WNT10B: variants seen among roughly 807,000 people sequenced by gnomAD.
WNT10B encodes the protein protein Wnt-10b.
In WNT10B, 26 loss-of-function variants were observed where a neutral mutation model predicts 32.7. That is an observed-to-expected ratio of 0.79 (90% CI 0.58 to 1.10). The LOEUF is 1.10. Among genes scored for constraint, WNT10B ranks in the 50% least tolerant of loss-of-function variants. The pLI is 0.00. For missense variants in WNT10B, 474 were observed against 532.5 expected, an observed-to-expected ratio of 0.89 and a Z score of 1.08; for synonymous variants, 204 against 220.4, an observed-to-expected ratio of 0.93 and a Z score of 0.66.
At chr12:48,968,780 G>GT (rs1241721673) in intron 3 of WNT10B, among the ~76,000 whole-genome samples, 7 of 146,068 alleles carry the variant, frequency 4.8e-5, no homozygotes, top group South Asian at 4.6e-4. Flanking sequence ...TTGTGGTTCT[G>GT]TTTTTTTGTT....
At position 48,970,213 on chromosome 12, in the gene WNT10B, G is replaced by T; in HGVS notation, c.213C>A (p.Ser71=). ...LCLRNPDVTA[S]ALQGLHIAVH... ...CCGCGATGTGCAGACCCTGAAGCGC[G>T]GACGCCGTCACGTCGGGGTTGCGCA... is the stretch of plus-strand genomic sequence containing the variant. Residue 71 remains serine, a synonymous_variant, in exon 3 of 5, where the codon TCC becomes TCA. Coordinates refer to ENST00000301061, the MANE Select transcript of WNT10B (RefSeq NM_003394.4). This position sits in a 1 kb window ranked among gnomAD's most constrained non-coding sequence, Gnocchi z 5.0. The T allele has an allele frequency of 1.9e-6, 3 of 1,598,840 alleles. No homozygotes were observed. Among genetic ancestry groups the T allele is most frequent in the Non-Finnish European group, 2.6e-6 (3 of 1,173,062 alleles).
At position 48,970,693 on chromosome 12, in the gene WNT10B, C is replaced by G. The variant is rs1940839154; in HGVS notation, c.-40-124G>C. ...CCTACTGACCCTTCTCATTCCTCCT[C>G]AAACAAAACAAGAAGAAACACCCCT... is the stretch of plus-strand genomic sequence containing the variant. On this transcript the variant is annotated intron_variant, in intron 1 of 4. Transcript: ENST00000301061. The surrounding 1 kb of genome is among the most constrained non-coding windows in gnomAD (Gnocchi z 5.0). 1 of 690,766 alleles carries G rather than the reference C, an allele frequency of 1.4e-6. No individual in the cohort carries two copies. 42.8% of individuals were successfully genotyped at this position (690,766 alleles called of 1,614,324 possible).
At position 48,970,625 on chromosome 12, in the gene WNT10B, C is replaced by T; in HGVS notation, c.-40-56G>A. On this transcript the variant is annotated intron_variant, in intron 1 of 4. Transcript: ENST00000301061. This position sits in a 1 kb window ranked among gnomAD's most constrained non-coding sequence, Gnocchi z 5.0. ...GGAATAGGGCGGCTCGCTTGGGGAA[C>T]CAAGTGACGCCCTTCTTCGGGCTCC... 1 of 1,389,436 alleles carries T rather than the reference C, an allele frequency of 7.2e-7. No individual in the cohort carries two copies. The highest frequency in any genetic ancestry group is 1.0e-6 in the Non-Finnish European group (1 of 1,004,952). The allele number at this position is 1,389,436 out of a possible 1,614,324, so 86.1% of individuals were successfully genotyped here.
Position 48,965,976 on chromosome 12 carries a change from G to A in WNT10B, c.*119C>T. 1 of 1,262,490 alleles carries A rather than the reference G, an allele frequency of 7.9e-7. No homozygotes were observed. Among genetic ancestry groups the A allele is most frequent in the South Asian group, 1.3e-5 (1 of 76,274 alleles). The allele number at this position is 1,262,490 out of a possible 1,614,324, so 78.2% of individuals were successfully genotyped here. On this transcript the variant is annotated 3_prime_UTR_variant, in exon 5 of 5. Transcript: ENST00000301061. ...CCCACCACCCCTAAAGCTGTTTCCA[G>A]GTAGATACTTTAAGCTTCCAGGGAC...
rs1240843058 is a variant in WNT10B at position 48,965,447 on chromosome 12, A to G, written c.*648T>C. ...TGCTGAAGAAGGAAAAAGAGGCTCC[A>G]AGAGTCATGGGAAAACCCCTTCCTT... On this transcript the variant is annotated 3_prime_UTR_variant, in exon 5 of 5. Transcript: ENST00000301061. 1 of 152,726 alleles carries G rather than the reference A, an allele frequency of 6.5e-6. No individual in the cohort carries two copies. The highest frequency in any genetic ancestry group is 6.5e-5 in the Admixed American group (1 of 15,278). The allele number at this position is 152,726 out of a possible 1,614,324, so 9.5% of individuals were successfully genotyped here.
chr12:48,968,210 C>T lies in WNT10B; in HGVS notation c.447G>A (p.Lys149=), dbSNP rs2137612928. The T allele has an allele frequency of 6.2e-7, 1 of 1,613,294 alleles. No homozygotes were observed. Among genetic ancestry groups the T allele is most frequent in the South Asian group, 1.1e-5 (1 of 91,088 alleles). Residue 149 remains lysine, a synonymous_variant, in exon 4 of 5, where the codon AAG becomes AAA. Transcript: ENST00000301061. Reference sequence around the variant, plus strand: ...TCAGCCGATCCTGCTCACCACTGCCCTTCCAGCCACAGCCACAGCTCACCA... The same window carrying T: ...TCAGCCGATCCTGCTCACCACTGCCTTTCCAGCCACAGCCACAGCTCACCA... ...GKLVSCGCGW[K]GSGEQDRLRA...
chr12:48,971,249 C>G (rs1252895557), intron 1 of WNT10B, among the ~76,000 whole-genome samples: 1 of 152,230 alleles, frequency 6.6e-6, no homozygotes, highest in African/African-American at 2.4e-5. Context: ...GGTCCTCACC[C>G]CTTGGCTCTC....
At position 48,968,057 on chromosome 12, in the gene WNT10B, G is replaced by A. The variant is rs1940772874; in HGVS notation, c.600C>T (p.Asn200=). The change falls in exon 4 of 5, where the codon AAC becomes AAT. Residue 200 remains asparagine (N), a synonymous_variant. Transcript: ENST00000301061. The part of the protein sequence containing the change: ...PQDTWEWGGC[N]HDMDFGEKFS... ...ACTTCTCTCCAAAGTCCATGTCATGGTTACAGCCACCCCATTCCCATGTGT... is the reference window on the plus strand; with the variant it reads ...ACTTCTCTCCAAAGTCCATGTCATGATTACAGCCACCCCATTCCCATGTGT... The A allele has an allele frequency of 6.2e-7, 1 of 1,614,272 alleles. No homozygotes were observed. Among genetic ancestry groups the A allele is most frequent in the Non-Finnish European group, 8.5e-7 (1 of 1,180,052 alleles).
chr12:48,970,185 G>C lies in WNT10B; in HGVS notation c.241C>G (p.His81Asp), dbSNP rs533962302. ...SALQGLHIAVHECQHQLRDQR... is the reference protein window; with the variant it reads ...SALQGLHIAVDECQHQLRDQR... ...TCGCGCAGCTGGTGCTGACACTCGT[G>C]GACCGCGATGTGCAGACCCTGAAGC... is the stretch of plus-strand genomic sequence containing the variant. Residue 81 changes from histidine to aspartate, a missense_variant, in exon 3 of 5, where the codon CAC becomes GAC. Coordinates refer to ENST00000301061, the MANE Select transcript of WNT10B (RefSeq NM_003394.4). This position sits in a 1 kb window ranked among gnomAD's most constrained non-coding sequence, Gnocchi z 5.0. 1.3e-5 allele frequency: 20 copies of C among 1,571,994 alleles called. No homozygotes were observed. The South Asian group carries it at 2.1e-4, about 16-fold the overall frequency.
rs1329856099 is a variant in WNT10B, at chr12:48,970,156, C to T, written c.270G>A (p.Gln90=). Reference sequence around the variant, plus strand: ...CCTCAAGCGCGGAGCAGTTCCAGCGCTGGTCGCGCAGCTGGTGCTGACACT... The same window carrying T: ...CCTCAAGCGCGGAGCAGTTCCAGCGTTGGTCGCGCAGCTGGTGCTGACACT... ...VHECQHQLRD[Q]RWNCSALEGG... The change falls in exon 3 of 5, where the codon CAG becomes CAA. Residue 90 remains glutamine (Q), a synonymous_variant. Coordinates refer to ENST00000301061, the MANE Select transcript of WNT10B (RefSeq NM_003394.4). This position sits in a 1 kb window ranked among gnomAD's most constrained non-coding sequence, Gnocchi z 5.0. 6.5e-7 allele frequency: 1 copy of T among 1,546,466 alleles called. No homozygotes were observed. The highest frequency in any genetic ancestry group is 1.9e-5 in the Admixed American group (1 of 51,574).
chr12:48,970,927 C>T lies in WNT10B; in HGVS notation c.-40-358G>A. On this transcript the variant is annotated intron_variant, in intron 1 of 4. Transcript: ENST00000301061. The surrounding 1 kb of genome is among the most constrained non-coding windows in gnomAD (Gnocchi z 5.0). ...GCCTACTGCTCCCTTTTCCAGGGCC[C>T]CACGACTAGCTTCCCCGCCCTCACA... 1 of 314,308 alleles carries T rather than the reference C, an allele frequency of 3.2e-6. No individual in the cohort carries two copies. The highest frequency in any genetic ancestry group is 6.1e-6 in the Non-Finnish European group (1 of 164,754). 19.5% of individuals were successfully genotyped at this position (314,308 alleles called of 1,614,324 possible).
Position 48,970,043 on chromosome 12 carries a change from AC to A in WNT10B, c.337+45del, listed in dbSNP as rs1940818114. ...CTCCGCGCGCCTCGCCCTGCCGCCC[AC>A]CCCCTAGCCTCCGCGGCAGCGCCGA... is the stretch of plus-strand genomic sequence containing the variant. On this transcript the variant is annotated intron_variant, in intron 3 of 4. Coordinates refer to ENST00000301061, the MANE Select transcript of WNT10B (RefSeq NM_003394.4). The surrounding 1 kb of genome is among the most constrained non-coding windows in gnomAD (Gnocchi z 5.0). 1.4e-6 allele frequency: 2 copies of A among 1,399,378 alleles called. No individual in the cohort carries two copies. The highest frequency in any genetic ancestry group is 1.8e-6 in the Non-Finnish European group (2 of 1,083,672). 86.7% of individuals were successfully genotyped at this position (1,399,378 alleles called of 1,614,324 possible). A position where few individuals can be genotyped will look rare whatever the true frequency, so the allele number is the denominator to read the frequency against.
intron 4 of WNT10B, among the ~76,000 whole-genome samples, chr12:48,967,106 T>C (rs1024876400): frequency 1.9e-4 from 29 of 151,438 alleles, no homozygotes; most frequent in Non-Finnish European, 3.8e-4. Context: ...TTCTCCTGCC[T>C]CAGCCTACTG....
chr12:48,970,088 C>T lies in WNT10B; in HGVS notation c.337+1G>A. On this transcript the variant is annotated splice_donor_variant, in intron 3 of 4. Coordinates refer to ENST00000301061, the MANE Select transcript of WNT10B (RefSeq NM_003394.4). LOFTEE classifies it high-confidence loss of function. The surrounding 1 kb of genome is among the most constrained non-coding windows in gnomAD (Gnocchi z 5.0). ...GCGCCGACCCGCCCAGCCAGGCTCA[C>T]CGCGCTTGAGGATGGCGCTGTGGTG... The T allele has an allele frequency of 6.6e-7, 1 of 1,517,492 alleles. No homozygotes were observed. The highest frequency in any genetic ancestry group is 8.8e-7 in the Non-Finnish European group (1 of 1,133,872). 94.0% of individuals were successfully genotyped at this position (1,517,492 alleles called of 1,614,324 possible).
chr12:48,966,589 G>A lies in WNT10B; in HGVS notation c.712-36C>T, dbSNP rs779412410. 34 of 1,606,822 alleles carry A rather than the reference G, an allele frequency of 2.1e-5. No homozygotes were observed. The South Asian group carries it at 3.6e-4, about 17-fold the overall frequency. On this transcript the variant is annotated intron_variant, in intron 4 of 4. Transcript: ENST00000301061. ...AGGGGGAAAAGAGGTGAAGCAGAGG[G>A]CAGCAAATGGACAGAACACAGAGGC...
At chr12:48,971,386 A>T (rs900463219) in intron 1 of WNT10B, 69 bp downstream of exon 1, 6 of 152,202 alleles carry the variant, frequency 3.9e-5, no homozygotes, top group African/African-American at 1.5e-4. Flanking sequence ...TGTCTGTCTG[A>T]CTACACACGT....
chr12:48,969,005 A>G (rs1592251686), intron 3 of WNT10B: 3 of 458,860 alleles, frequency 6.5e-6, no homozygotes, highest in Admixed American at 2.5e-5. Flanking sequence ...TTGGGGAGTG[A>G]TTTTCCCTAA....
At chr12:48,967,013 G>A (rs987743258) in intron 4 of WNT10B, among the ~76,000 whole-genome samples, 2 of 152,108 alleles carry the variant, frequency 1.3e-5, no homozygotes, top group Non-Finnish European at 2.9e-5. Flanking sequence ...TTTTTGAGAC[G>A]GAGCCTTGCT....
At position 48,970,862 on chromosome 12, in the gene WNT10B, C is replaced by T. The variant is rs1157888164; in HGVS notation, c.-40-293G>A. 2.1e-6 allele frequency: 1 copy of T among 468,104 alleles called. No individual in the cohort carries two copies. Among genetic ancestry groups the T allele is most frequent in the Non-Finnish European group, 3.9e-6 (1 of 256,978 alleles). The allele number at this position is 468,104 out of a possible 1,614,324, so 29.0% of individuals were successfully genotyped here. A position where few individuals can be genotyped will look rare whatever the true frequency, so the allele number is the denominator to read the frequency against. Reference sequence around the variant, plus strand: ...ACACAGACACACACTCACTTGCAAACTCAGACACACAGACTCACAAACACT... The same window carrying T: ...ACACAGACACACACTCACTTGCAAATTCAGACACACAGACTCACAAACACT... On this transcript the variant is annotated intron_variant, in intron 1 of 4. Transcript: ENST00000301061. The surrounding 1 kb of genome is among the most constrained non-coding windows in gnomAD (Gnocchi z 5.0).
Sources: allele counts gnomAD v4.1 joint callset (sites outside exome capture counted in the v4.1 genomes callset), GRCh38; gene constraint gnomAD v4.1.1; non-coding constraint Gnocchi (gnomAD v3.1); transcripts MANE v1.5; gene names NCBI Gene and HGNC (gene_info 2026-07-23, HGNC 2026-07-21).